AGPS: variants seen among roughly 807,000 people sequenced by gnomAD.
The protein encoded by AGPS is alkylglycerone phosphate synthase.
A neutral mutation model predicts 90.7 loss-of-function variants in AGPS; 26 were observed. The ratio of observed to expected loss-of-function variants is 0.29; its 90% CI spans 0.21 to 0.40. The LOEUF (loss-of-function observed/expected upper bound fraction) is 0.40. AGPS is among the 10% of genes least tolerant of loss of function. The probability of loss-of-function intolerance (pLI) is 1.00; values close to 1 mark genes in which losing one functional copy is unlikely to be tolerated. For synonymous variants in AGPS, 294 were observed against 285.3 expected (o/e 1.03, Z -0.31); for missense variants, 540 against 816.1 (o/e 0.66, Z 4.12).
intron 10 of AGPS, among the ~76,000 whole-genome samples, chr2:177,475,374 T>G (rs887417903): frequency 6.6e-6 from 1 of 152,190 alleles, no homozygotes; most frequent in Non-Finnish European, 1.5e-5. Context: ...AGGTAACCTG[T>G]CAACCCTTTG....
At chr2:177,460,189 T>A (rs1373814228) in intron 8 of AGPS, among the ~76,000 whole-genome samples, 2 of 152,042 alleles carry the variant, frequency 1.3e-5, no homozygotes, top group African/African-American at 2.4e-5. Flanking sequence ...AGGGGAGGGA[T>A]AACATTAGGA....
At chr2:177,504,294 C>T (rs1013506427) in intron 14 of AGPS, among the ~76,000 whole-genome samples, 1 of 123,622 alleles carries the variant, frequency 8.1e-6, no homozygotes, top group African/African-American at 3.0e-5. Flanking sequence ...AGTTTTCTGA[C>T]TTGTTTTCCT....
intron 12 of AGPS, 53 bp downstream of exon 12, chr2:177,493,252 A>C: frequency 6.8e-7 from 1 of 1,474,240 alleles, no homozygotes; most frequent in South Asian, 1.1e-5. Context: ...AAATTTATGA[A>C]ACATCAGTAG....
At chr2:177,397,580 T>A (rs1685219406) in intron 1 of AGPS, among the ~76,000 whole-genome samples, 1 of 152,130 alleles carries the variant, frequency 6.6e-6, no homozygotes. Flanking sequence ...TAACTTTGGC[T>A]CCAACCTCAT....
chr2:177,434,221 T>A, intron 2 of AGPS, 106 bp from the exon 3 acceptor site: 1 of 756,418 alleles, frequency 1.3e-6, no homozygotes, highest in Non-Finnish European at 2.2e-6. Flanking sequence ...CATGTGAAAG[T>A]GTTGGTTTGA....
intron 1 of AGPS, among the ~76,000 whole-genome samples, chr2:177,394,271 G>C (rs751097928): frequency 2.6e-5 from 4 of 152,176 alleles, no homozygotes; most frequent in Non-Finnish European, 5.9e-5. Context: ...AACTTAACTG[G>C]GAACTATACC....
chr2:177,512,491 T>TC (rs1394392992), intron 16 of AGPS, among the ~76,000 whole-genome samples: 1 of 152,214 alleles, frequency 6.6e-6, no homozygotes, highest in Non-Finnish European at 1.5e-5. Flanking sequence ...TACTGTTTGT[T>TC]CTTATTGACA....
chr2:177,441,093 G>A (rs1686588259), intron 6 of AGPS, 57 bp downstream of exon 6: 2 of 1,349,008 alleles, frequency 1.5e-6, no homozygotes, highest in Non-Finnish European at 2.1e-6. Context: ...TAAAATATTT[G>A]TATTTTAAAT....
chr2:177,440,848 A>T, intron 5 of AGPS, 117 bp from the exon 6 acceptor site: 1 of 803,188 alleles, frequency 1.2e-6, no homozygotes. Flanking sequence ...CATTGTGTTA[A>T]TGAGCAAATG....
At chr2:177,394,816 G>C (rs1282721371) in intron 1 of AGPS, among the ~76,000 whole-genome samples, 1 of 152,178 alleles carries the variant, frequency 6.6e-6, no homozygotes, top group Non-Finnish European at 1.5e-5. Context: ...AGTGTTTAGT[G>C]CAATGCCTGT....
chr2:177,428,524 GA>G (rs1686145756), intron 2 of AGPS, among the ~76,000 whole-genome samples: 1 of 152,154 alleles, frequency 6.6e-6, no homozygotes, highest in African/African-American at 2.4e-5. Flanking sequence ...TGGTGGTGAT[GA>G]ATTCCCTCAG....
At chr2:177,394,365 A>G (rs1244806889) in intron 1 of AGPS, among the ~76,000 whole-genome samples, 1 of 152,190 alleles carries the variant, frequency 6.6e-6, no homozygotes, top group Non-Finnish European at 1.5e-5. Context: ...TAAATTTTGG[A>G]TGTTTGCATT....
At chr2:177,460,070 A>C (rs1687245965) in intron 8 of AGPS, among the ~76,000 whole-genome samples, 4 of 152,212 alleles carry the variant, frequency 2.6e-5, no homozygotes, top group Non-Finnish European at 5.9e-5. Context: ...CAAGATCAGA[A>C]AACAAAACAC....
chr2:177,516,610 A>G (rs991129893), intron 17 of AGPS, among the ~76,000 whole-genome samples: 5 of 152,176 alleles, frequency 3.3e-5, no homozygotes, highest in African/African-American at 4.8e-5. Context: ...AATCAGGCCC[A>G]TCAAGCTTTG....
At position 177,436,758 on chromosome 2, in the gene AGPS, T is replaced by A; in HGVS notation, c.442-6T>A. The A allele has an allele frequency of 6.2e-7, 1 of 1,610,610 alleles. No individual in the cohort carries two copies. Among genetic ancestry groups the A allele is most frequent in the Non-Finnish European group, 8.5e-7 (1 of 1,178,492 alleles). On this transcript the variant is annotated splice_region_variant and splice_polypyrimidine_tract_variant and intron_variant, in intron 3 of 19. Coordinates refer to ENST00000264167, the MANE Select transcript of AGPS (RefSeq NM_003659.4). Reference sequence around the variant, plus strand: ...ATAAGTCAAAGAAATCAATTTTATTTTCTAGGCATCCTTAAATCCTAGTGA... The same window carrying A: ...ATAAGTCAAAGAAATCAATTTTATTATCTAGGCATCCTTAAATCCTAGTGA...
At chr2:177,507,610 T>C (rs1002724742) in intron 15 of AGPS, among the ~76,000 whole-genome samples, 1 of 152,222 alleles carries the variant, frequency 6.6e-6, no homozygotes, top group Non-Finnish European at 1.5e-5. Flanking sequence ...TCGATATTGG[T>C]TAATTTACTA....
chr2:177,475,063 C>CAT (rs1320297573), intron 10 of AGPS, among the ~76,000 whole-genome samples: 1 of 152,132 alleles, frequency 6.6e-6, no homozygotes, highest in Admixed American at 6.5e-5. Flanking sequence ...TAAAGTTTTC[C>CAT]ATAGTCTATG....
chr2:177,397,469 G>GTTT (rs1395102119), intron 1 of AGPS, among the ~76,000 whole-genome samples: 2 of 137,446 alleles, frequency 1.5e-5, no homozygotes. Context: ...ATTTTTTTCA[G>GTTT]TTTTTTTTTT....
In AGPS at chr2:177,423,104, TAACTA is replaced by T. The variant is rs1685982842; in HGVS notation, c.350+2751_350+2755del. 2.7e-5 allele frequency among the ~76,000 whole-genome samples: 2 copies of T among 73,870 alleles called. 1 individual carries two copies. The highest frequency in any genetic ancestry group is 6.7e-5 in the Non-Finnish European group (2 of 29,910). 48.5% of individuals were successfully genotyped at this position (73,870 alleles called of 152,430 possible). A position where few individuals can be genotyped will look rare whatever the true frequency, so the allele number is the denominator to read the frequency against. ...TGTGCTTCTGAGTTATTTCTGTAGA[TAACTA>T]AACTCATCCACTGTACTGATCTTGT... On this transcript the variant is annotated intron_variant, in intron 2 of 19. Transcript: ENST00000264167.
Sources: gnomAD v4.1 joint callset for allele counts (sites outside exome capture counted in the v4.1 genomes callset) on GRCh38, gnomAD v4.1.1 for gene constraint, MANE v1.5 for transcripts, NCBI Gene and HGNC (gene_info 2026-07-23, HGNC 2026-07-21) for gene names.